LRRC74A: variants seen among roughly 807,000 people sequenced by gnomAD.
The protein encoded by LRRC74A is leucine-rich repeat-containing protein 74A.
LRRC74A carries 44 observed loss-of-function variants against 57.9 expected under a neutral mutation model. The ratio of observed to expected loss-of-function variants is 0.76; its 90% CI spans 0.60 to 0.98. The LOEUF (loss-of-function observed/expected upper bound fraction) is 0.98. Ranked by LOEUF, LRRC74A falls within the 50% of genes least tolerant of loss-of-function variation. The pLI is 0.00. For synonymous variants in LRRC74A, 211 were observed against 219.4 expected (o/e 0.96, Z 0.34); for missense variants, 572 against 574.0 (o/e 1.00, Z 0.04).
At chr14:76,867,768 G>A (rs890498270) in intron 13 of LRRC74A, among the ~76,000 whole-genome samples, 6 of 152,152 alleles carry the variant, frequency 3.9e-5, no homozygotes, top group African/African-American at 7.2e-5. Context: ...GAGAGGAGCC[G>A]TAGGGGTGTG....
At chr14:76,869,824 A>T (rs1249231217) in intron 13 of LRRC74A, among the ~76,000 whole-genome samples, 1 of 152,138 alleles carries the variant, frequency 6.6e-6, no homozygotes, top group Non-Finnish European at 1.5e-5. Context: ...AGGAAAAAAA[A>T]TGAAGGTCCA....
intron 7 of LRRC74A, among the ~76,000 whole-genome samples, chr14:76,849,803 CA>C (rs35817889): frequency 1.3e-4 from 17 of 130,660 alleles, no homozygotes; most frequent in East Asian, 2.6e-4. Context: ...AATTCTGCCT[CA>C]AAAAAAAAAA....
At chr14:76,845,033 A>T in intron 7 of LRRC74A, 132 bp downstream of exon 7, 1 of 616,540 alleles carries the variant, frequency 1.6e-6, no homozygotes, top group South Asian at 2.0e-5. Context: ...TGCCCAAAAT[A>T]CATTCAGAAT....
At chr14:76,839,559 A>C (rs1406509721) in intron 5 of LRRC74A, among the ~76,000 whole-genome samples, 1 of 152,224 alleles carries the variant, frequency 6.6e-6, no homozygotes, top group African/African-American at 2.4e-5. Flanking sequence ...CTAGTACATA[A>C]GTATTCAATG....
chr14:76,828,672 G>A (rs930679649), intron 2 of LRRC74A: 3 of 612,182 alleles, frequency 4.9e-6, no homozygotes, highest in African/African-American at 3.6e-5. Context: ...GTTAAAAGCG[G>A]AATCAATACA....
intron 3 of LRRC74A, 30 bp from the exon 4 acceptor site, chr14:76,836,177 T>C (rs1896318190): frequency 6.5e-7 from 1 of 1,540,664 alleles, no homozygotes; most frequent in African/African-American, 1.4e-5. Flanking sequence ...CACTTCTGTG[T>C]CTCTCTCCCT....
At chr14:76,860,145 C>A (rs1898192325) in intron 10 of LRRC74A, among the ~76,000 whole-genome samples, 1 of 152,202 alleles carries the variant, frequency 6.6e-6, no homozygotes, top group East Asian at 1.9e-4. Context: ...CGAGCCACAT[C>A]TGAGGAATGA....
At chr14:76,827,427 T>C (rs965005285) in intron 1 of LRRC74A, among the ~76,000 whole-genome samples, 4 of 152,100 alleles carry the variant, frequency 2.6e-5, no homozygotes, top group Non-Finnish European at 5.9e-5. Context: ...TTGGCTAAAT[T>C]CTGACAGGTC....
At chr14:76,846,731 T>C (rs2140284085) in intron 7 of LRRC74A, among the ~76,000 whole-genome samples, 1 of 152,268 alleles carries the variant, frequency 6.6e-6, no homozygotes, top group South Asian at 2.1e-4. Context: ...GGTTGGATGA[T>C]GGTGTTGTTT....
chr14:76,848,234 CA>C (rs1897233378), intron 7 of LRRC74A, among the ~76,000 whole-genome samples: 1 of 151,862 alleles, frequency 6.6e-6, no homozygotes, highest in Non-Finnish European at 1.5e-5. Flanking sequence ...ACATATGTAA[CA>C]AACCTGCACG....
chr14:76,836,365 A>C, intron 4 of LRRC74A, 51 bp downstream of exon 4: 1 of 1,376,410 alleles, frequency 7.3e-7, no homozygotes, highest in Non-Finnish European at 1.0e-6. Context: ...GGGATTCACA[A>C]CCCACTGGAG....
At chr14:76,845,911 G>A (rs1048696460) in intron 7 of LRRC74A, among the ~76,000 whole-genome samples, 6 of 152,136 alleles carry the variant, frequency 3.9e-5, no homozygotes, top group African/African-American at 1.4e-4. Context: ...CTAGCTACTC[G>A]GGAAGCTGAG....
At chr14:76,849,196 G>T (rs1212718444) in intron 7 of LRRC74A, among the ~76,000 whole-genome samples, 1 of 152,104 alleles carries the variant, frequency 6.6e-6, no homozygotes, top group Non-Finnish European at 1.5e-5. Context: ...CTGTTGCCCA[G>T]GCTGGGTGGA....
intron 3 of LRRC74A, among the ~76,000 whole-genome samples, chr14:76,834,681 C>T (rs1284509717): frequency 1.3e-5 from 2 of 152,048 alleles, no homozygotes; most frequent in Non-Finnish European, 2.9e-5. Context: ...AGACAATGGC[C>T]CGTGTGAAAT....
intron 7 of LRRC74A, among the ~76,000 whole-genome samples, chr14:76,849,380 C>T (rs960036102): frequency 2.0e-5 from 3 of 151,948 alleles, no homozygotes; most frequent in Non-Finnish European, 4.4e-5. Context: ...TGGTCTCCAA[C>T]ACCTGACCTC....
At chr14:76,857,865 T>C (rs1898020856) in intron 10 of LRRC74A, among the ~76,000 whole-genome samples, 1 of 152,214 alleles carries the variant, frequency 6.6e-6, no homozygotes, top group Admixed American at 6.5e-5. Context: ...ATCTGGGTAT[T>C]AAAACACATA....
chr14:76,836,948 C>T (rs1483240402), intron 4 of LRRC74A, among the ~76,000 whole-genome samples: 1 of 152,126 alleles, frequency 6.6e-6, no homozygotes, highest in African/African-American at 2.4e-5. Context: ...CAAGACCAGC[C>T]TGGCCAACAT....
Position 76,831,334 on chromosome 14 carries a change from C to A in LRRC74A, c.298C>A (p.Leu100Met). The A allele has an allele frequency of 6.2e-7, 1 of 1,613,906 alleles. No individual in the cohort carries two copies. The highest frequency in any genetic ancestry group is 8.5e-7 in the Non-Finnish European group (1 of 1,179,880). Residue 100 changes from leucine (L) to methionine (M), a missense_variant, in exon 3 of 14, where the codon CTG becomes ATG. By Grantham distance (15) the Leu-to-Met change is conservative (BLOSUM62 2). Coordinates refer to ENST00000689127, the MANE Select transcript of LRRC74A (RefSeq NM_001385106.1). ...ESYVNLNHHG[L>M]GPRGTKAIAI... ...CTACGTGAACCTCAACCACCACGGC[C>A]TGGGCCCCAGGGGTACCAAGGCTAT...
chr14:76,849,314 C>T (rs80323818), intron 7 of LRRC74A, among the ~76,000 whole-genome samples: 43,372 of 151,088 alleles, frequency 0.29, 6,936 homozygotes, highest in East Asian at 0.51. Context: ...AGCCATCACA[C>T]CCAGCTAATT....
Sources: gnomAD v4.1 joint callset for allele counts (sites outside exome capture counted in the v4.1 genomes callset) on GRCh38, gnomAD v4.1.1 for gene constraint, MANE v1.5 for transcripts, NCBI Gene and HGNC (gene_info 2026-07-23, HGNC 2026-07-21) for gene names.